The following NUP88 variants were observed in gnomAD, a reference collection of about 807,000 sequenced individuals.
The protein encoded by NUP88 is nuclear pore complex protein Nup88.
NUP88 carries 57 observed loss-of-function variants against 93.9 expected under a neutral mutation model. That is an observed-to-expected ratio of 0.61 (90% CI 0.49 to 0.76). NUP88 has a LOEUF of 0.76. Among genes scored for constraint, NUP88 ranks in the 30% least tolerant of loss-of-function variants. NUP88 has a pLI of 0.00. For missense variants in NUP88, 911 were observed against 901.0 expected, an observed-to-expected ratio of 1.01 and a Z score of -0.14; for synonymous variants, 346 against 336.8, an observed-to-expected ratio of 1.03 and a Z score of -0.30.
At chr17:5,387,285 AG>A in intron 14 of NUP88, 100 bp downstream of exon 14, 1 of 1,250,396 alleles carries the variant, frequency 8.0e-7, no homozygotes, top group Non-Finnish European at 1.2e-6. Flanking sequence ...CAGGGGGATC[AG>A]TTCAGTTCCG....
Position 5,391,662 on chromosome 17 carries a change from C to T in NUP88, c.1383G>A (p.Arg461=), listed in dbSNP as rs750619019. The T allele has an allele frequency of 1.1e-5, 18 of 1,611,692 alleles. No individual in the cohort carries two copies. Among genetic ancestry groups the T allele is most frequent in the Non-Finnish European group, 1.4e-5 (17 of 1,178,094 alleles). The change falls in exon 10 of 17, where the codon AGG becomes AGA. Residue 461 remains arginine, a splice_region_variant and synonymous_variant. Transcript: ENST00000573584. ...HILCTKPLPC[R]QPAPIRGFWI... is the part of the protein sequence containing the mutation. ...AAAATCCTCGAATTGGAGCTGGCTG[C>T]CTGGAAAAACACAGTCATAGTTAAA...
At chr17:5,414,360 G>A (rs767252988) in intron 2 of NUP88, among the ~76,000 whole-genome samples, 3 of 151,826 alleles carry the variant, frequency 2.0e-5, no homozygotes, top group Non-Finnish European at 2.9e-5. Context: ...CTCGCCCAGC[G>A]AACTTTGTAT....
rs1378583999 is a variant in NUP88 at position 5,404,233 on chromosome 17, C to A, written c.1058G>T (p.Trp353Leu). 9 of 1,612,110 alleles carry A rather than the reference C, an allele frequency of 5.6e-6. No homozygotes were observed. The highest frequency in any genetic ancestry group is 7.6e-6 in the Non-Finnish European group (9 of 1,179,468). Residue 353 changes from tryptophan (W) to leucine (L), a missense_variant, in exon 7 of 17, where the codon TGG becomes TTG. Coordinates refer to ENST00000573584, the MANE Select transcript of NUP88 (RefSeq NM_002532.6). ...AGGAATGAGGTCAATCCTGGAATCC[C>A]AGGACTTTTCTGACTGTAAAAAAAA... ...EEDDHTSEKS[W>L]DSRIDLIPSL...
chr17:5,400,075 C>T (rs909333099), intron 7 of NUP88, among the ~76,000 whole-genome samples: 3 of 113,076 alleles, frequency 2.7e-5, no homozygotes, highest in South Asian at 3.7e-4. Flanking sequence ...AGAGACAGCA[C>T]GTGCTGTTTG....
chr17:5,387,481 C>CT lies in NUP88; in HGVS notation c.1836-16_1836-15insA. 6.2e-7 allele frequency: 1 copy of CT among 1,613,350 alleles called. No individual in the cohort carries two copies. Among genetic ancestry groups the CT allele is most frequent in the Non-Finnish European group, 8.5e-7 (1 of 1,179,262 alleles). On this transcript the variant is annotated splice_polypyrimidine_tract_variant and intron_variant, in intron 13 of 16. Transcript: ENST00000573584. Reference sequence around the variant, plus strand: ...GCAGACTTTTCCTAATGATGTAAGACACAAGAGACTCTTGAGGTCCACCCC... The same window carrying CT: ...GCAGACTTTTCCTAATGATGTAAGACTACAAGAGACTCTTGAGGTCCACCCC...
At position 5,419,621 on chromosome 17, in the gene NUP88, G is replaced by T; in HGVS notation, c.30C>A (p.Asp10Glu). MAAAEGPVG[D>E]GELWQTWLPN... Reference sequence around the variant, plus strand: ...GAAGCCAGGTCTGCCACAGCTCGCCGTCGCCCACCGGTCCCTCGGCGGCCG... The same window carrying T: ...GAAGCCAGGTCTGCCACAGCTCGCCTTCGCCCACCGGTCCCTCGGCGGCCG... Residue 10 changes from aspartate (D) to glutamate (E), a missense_variant, in exon 1 of 17, where the codon GAC becomes GAA. Coordinates refer to ENST00000573584, the MANE Select transcript of NUP88 (RefSeq NM_002532.6). 2 of 1,595,676 alleles carry T rather than the reference G, an allele frequency of 1.3e-6. No homozygotes were observed. The highest frequency in any genetic ancestry group is 1.7e-6 in the Non-Finnish European group (2 of 1,169,686).
intron 10 of NUP88, among the ~76,000 whole-genome samples, chr17:5,391,200 A>G (rs1391290510): frequency 6.6e-6 from 1 of 152,144 alleles, no homozygotes; most frequent in East Asian, 1.9e-4. Flanking sequence ...TGCCCTGATG[A>G]TTCCAGGAGG....
In NUP88 at chr17:5,385,584, A is replaced by G. The variant is rs1911888850; in HGVS notation, c.*622T>C. Reference sequence around the variant, plus strand: ...TTTTTTTCTCCCTTTAAGGTGCTAAACTTGCACCTCATGTCCACTCAGTAA... The same window carrying G: ...TTTTTTTCTCCCTTTAAGGTGCTAAGCTTGCACCTCATGTCCACTCAGTAA... On this transcript the variant is annotated 3_prime_UTR_variant, in exon 17 of 17. Transcript: ENST00000573584. 1 of 230,938 alleles carries G rather than the reference A, an allele frequency of 4.3e-6. No individual in the cohort carries two copies. Among genetic ancestry groups the G allele is most frequent in the Admixed American group, 5.7e-5 (1 of 17,672 alleles). The allele number at this position is 230,938 out of a possible 1,614,324, so 14.3% of individuals were successfully genotyped here.
Position 5,387,797 on chromosome 17 carries a change from T to C in NUP88, c.1751A>G (p.Lys584Arg). The change falls in exon 12 of 17, where the codon AAG becomes AGG. Residue 584 changes from lysine (K) to arginine (R), a missense_variant. Transcript: ENST00000573584. ...EQYILKQDLA[K>R]EEIQRRVKLL... is the part of the protein sequence containing the mutation. ...ATCATACCTCCGCTGAATCTCCTCC[T>C]TTGCCAAGTCCTGTTTGAGAATGTA... 1.2e-6 allele frequency: 2 copies of C among 1,612,408 alleles called. No individual in the cohort carries two copies. The highest frequency in any genetic ancestry group is 1.7e-6 in the Non-Finnish European group (2 of 1,179,528).
chr17:5,411,599 C>G (rs1356656329), intron 3 of NUP88, among the ~76,000 whole-genome samples: 1 of 146,074 alleles, frequency 6.8e-6, no homozygotes, highest in Non-Finnish European at 1.5e-5. Flanking sequence ...AAAAAAAAAC[C>G]AAACAAACAA....
chr17:5,391,602 G>T lies in NUP88; in HGVS notation c.1443C>A (p.Ile481=). The part of the protein sequence containing the change: ...IVPDILGPTM[I]CITSTYECLI... ...GGCATTCATAGGTACTGGTGATGCA[G>T]ATCATCGTGGGTCCCAGAATGTCAG... Residue 481 remains isoleucine (I), a synonymous_variant, in exon 10 of 17, where the codon ATC becomes ATA. Coordinates refer to ENST00000573584, the MANE Select transcript of NUP88 (RefSeq NM_002532.6). The T allele has an allele frequency of 1.2e-6, 2 of 1,614,162 alleles. No homozygotes were observed. Among genetic ancestry groups the T allele is most frequent in the Non-Finnish European group, 1.7e-6 (2 of 1,179,992 alleles).
At chr17:5,386,343 G>T in intron 16 of NUP88, 74 bp from the exon 17 acceptor site, 1 of 1,174,228 alleles carries the variant, frequency 8.5e-7, no homozygotes, top group Non-Finnish European at 1.2e-6. Flanking sequence ...AATTTAAACT[G>T]GTAATGTTGA....
rs756800952 is a variant in NUP88, at chr17:5,419,471, C to T, written c.180G>A (p.Val60=). The T allele has an allele frequency of 1.9e-6, 3 of 1,613,960 alleles. No homozygotes were observed. The highest frequency in any genetic ancestry group is 2.2e-5 in the South Asian group (2 of 91,088). Residue 60 remains valine, a synonymous_variant, in exon 1 of 17, where the codon GTG becomes GTA. Coordinates refer to ENST00000573584, the MANE Select transcript of NUP88 (RefSeq NM_002532.6). ...AAAGCTCTCCGCCGAGGCCAAAGAC[C>T]ACGTTTCTCGTCAGCAACTGCGGCG... The part of the protein sequence containing the change: ...SPPPQLLTRN[V]VFGLGGELFL...
At chr17:5,412,012 A>C (rs912411374) in intron 3 of NUP88, among the ~76,000 whole-genome samples, 1 of 152,248 alleles carries the variant, frequency 6.6e-6, no homozygotes, top group Non-Finnish European at 1.5e-5. Flanking sequence ...AAGGTGCAAC[A>C]GGGCATTCGG....
rs544293205 is a variant in NUP88 at position 5,391,605 on chromosome 17, C to T, written c.1440G>A (p.Met480Ile). 1 of 1,614,152 alleles carries T rather than the reference C, an allele frequency of 6.2e-7. No individual in the cohort carries two copies. The highest frequency in any genetic ancestry group is 8.5e-7 in the Non-Finnish European group (1 of 1,180,010). The change falls in exon 10 of 17, where the codon ATG becomes ATA. Residue 480 changes from methionine to isoleucine, a missense_variant. Coordinates refer to ENST00000573584, the MANE Select transcript of NUP88 (RefSeq NM_002532.6). ...ATTCATAGGTACTGGTGATGCAGAT[C>T]ATCGTGGGTCCCAGAATGTCAGGTA... ...WIVPDILGPT[M>I]ICITSTYECL...
chr17:5,412,826 C>T (rs962496420), intron 3 of NUP88, among the ~76,000 whole-genome samples: 26 of 152,182 alleles, frequency 1.7e-4, no homozygotes, highest in African/African-American at 6.3e-4. Flanking sequence ...CACTCCCCTA[C>T]CCCACACTGA....
In NUP88 at chr17:5,386,715, T is replaced by C. The variant is rs1912008919; in HGVS notation, c.2155A>G (p.Lys719Glu). 1.2e-6 allele frequency: 2 copies of C among 1,601,904 alleles called. No homozygotes were observed. The highest frequency in any genetic ancestry group is 1.7e-6 in the Non-Finnish European group (2 of 1,168,928). Residue 719 changes from lysine to glutamate, a missense_variant, in exon 16 of 17, where the codon AAA (lysine) becomes GAA (glutamate). Physicochemically the swap from Lys to Glu is moderately conservative, Grantham distance 56. Coordinates refer to ENST00000573584, the MANE Select transcript of NUP88 (RefSeq NM_002532.6). ...YQRKCIQSIL[K>E]EEGEHIREMV... ...TTGGAAGTATTTACTTACTCCTCTT[T>C]CAGGATGGACTGAATGCACTTTCGC...
intron 6 of NUP88, among the ~76,000 whole-genome samples, 179 bp downstream of exon 6, chr17:5,404,878 A>T (rs1567573161): frequency 1.3e-5 from 2 of 152,200 alleles, no homozygotes; most frequent in Non-Finnish European, 1.5e-5. Context: ...CAACCTTCTA[A>T]CTTCTTTCCA....
At chr17:5,402,162 C>A (rs192702016) in intron 7 of NUP88, among the ~76,000 whole-genome samples, 1 of 152,180 alleles carries the variant, frequency 6.6e-6, no homozygotes, top group East Asian at 1.9e-4. Context: ...CAAAAATTAG[C>A]CAGGCCTGGT....
Sources: gnomAD v4.1 joint callset for allele counts (sites outside exome capture counted in the v4.1 genomes callset) on GRCh38, gnomAD v4.1.1 for gene constraint, MANE v1.5 for transcripts, NCBI Gene and HGNC (gene_info 2026-07-23, HGNC 2026-07-21) for gene names.